ALMS1: variants seen among roughly 807,000 people sequenced by gnomAD.
ALMS1 encodes centrosome-associated protein ALMS1.
In ALMS1, 271 loss-of-function variants were observed where a neutral mutation model predicts 352.2. The ratio of observed to expected loss-of-function variants is 0.77; its 90% CI spans 0.70 to 0.85. The LOEUF (loss-of-function observed/expected upper bound fraction) is 0.85. Among genes scored for constraint, ALMS1 ranks in the 40% least tolerant of loss-of-function variants. The pLI is 0.00. For synonymous variants in ALMS1, 1,865 were observed against 1,761.2 expected, an observed-to-expected ratio of 1.06 and a Z score of -1.48; for missense variants, 5,445 against 4,870.7, an observed-to-expected ratio of 1.12 and a Z score of -3.51.
intron 16 of ALMS1, among the ~76,000 whole-genome samples, chr2:73,593,926 G>A (rs527381263): frequency 5.3e-5 from 8 of 152,238 alleles, no homozygotes; most frequent in African/African-American, 1.9e-4. Flanking sequence ...TCCTTTTAAT[G>A]GCCAAAGGAC....
intron 18 of ALMS1, 40 bp from the exon 19 acceptor site, chr2:73,601,152 AAAG>A (rs1280166926): frequency 6.2e-7 from 1 of 1,613,310 alleles, no homozygotes; most frequent in Non-Finnish European, 8.5e-7. Context: ...GGGCTGTAAA[AAAG>A]TGAAAAATCT....
chr2:73,556,092 T>G (rs1299772068), intron 13 of ALMS1, among the ~76,000 whole-genome samples: 2 of 152,174 alleles, frequency 1.3e-5, no homozygotes, highest in African/African-American at 4.8e-5. Context: ...AGAAACATTA[T>G]ATTTGTAATA....
chr2:73,500,091 G>A (rs957071722), intron 10 of ALMS1, among the ~76,000 whole-genome samples: 1 of 152,164 alleles, frequency 6.6e-6, no homozygotes, highest in Non-Finnish European at 1.5e-5. Context: ...GACACCATTT[G>A]AGCTGAGATT....
chr2:73,546,140 A>G (rs1309655703), intron 12 of ALMS1, among the ~76,000 whole-genome samples: 2 of 152,182 alleles, frequency 1.3e-5, no homozygotes, highest in Non-Finnish European at 2.9e-5. Flanking sequence ...TTGACCCTCT[A>G]TAGCAAGGTT....
intron 17 of ALMS1, among the ~76,000 whole-genome samples, chr2:73,600,380 G>T (rs1471914025): frequency 6.6e-6 from 1 of 152,126 alleles, no homozygotes; most frequent in East Asian, 1.9e-4. Flanking sequence ...AGTATTTATT[G>T]TCTTTCTAAC....
intron 16 of ALMS1, among the ~76,000 whole-genome samples, chr2:73,588,378 GC>G (rs1675353536): frequency 6.8e-6 from 1 of 147,800 alleles, no homozygotes; most frequent in Non-Finnish European, 1.5e-5. Flanking sequence ...TGCCCCACAT[GC>G]CCCACCCTCG....
At position 73,572,483 on chromosome 2, in the gene ALMS1, G is replaced by T; in HGVS notation, c.10606G>T (p.Asp3536Tyr). Residue 3536 changes from aspartate to tyrosine, a missense_variant, in exon 16 of 23, where the codon GAC becomes TAC. Physicochemically the swap from Asp to Tyr is radical, Grantham distance 160. Coordinates refer to ENST00000613296, the MANE Select transcript of ALMS1 (RefSeq NM_001378454.1). ...MCLPLPYQNM[D>Y]KTKTDYTRIK... ...TCTTCCTCTTCCTTATCAAAACATGGACAAGACTAAGACAGATTATACCAG... is the reference window on the plus strand; with the variant it reads ...TCTTCCTCTTCCTTATCAAAACATGTACAAGACTAAGACAGATTATACCAG... 1 of 1,613,858 alleles carries T rather than the reference G, an allele frequency of 6.2e-7. No homozygotes were observed. The highest frequency in any genetic ancestry group is 2.2e-5 in the East Asian group (1 of 44,872).
chr2:73,403,130 C>T (rs1670904257), intron 1 of ALMS1, among the ~76,000 whole-genome samples: 1 of 152,052 alleles, frequency 6.6e-6, no homozygotes, highest in Admixed American at 6.6e-5. Context: ...AGGAGTTTTT[C>T]CCATATATTT....
intron 10 of ALMS1, among the ~76,000 whole-genome samples, chr2:73,514,582 C>T (rs188951840): frequency 1.1e-4 from 17 of 152,004 alleles, no homozygotes; most frequent in South Asian, 2.1e-4. Context: ...TATAAAGCAA[C>T]GTAAAATATG....
chr2:73,567,922 A>G (rs1317031440), intron 15 of ALMS1, among the ~76,000 whole-genome samples: 1 of 152,166 alleles, frequency 6.6e-6, no homozygotes, highest in African/African-American at 2.4e-5. Context: ...AGAAAATATC[A>G]TAATGCAAAA....
intron 12 of ALMS1, among the ~76,000 whole-genome samples, chr2:73,545,772 A>G (rs925990900): frequency 3.9e-5 from 6 of 152,222 alleles, no homozygotes; most frequent in African/African-American, 1.4e-4. Flanking sequence ...TATACTTAAC[A>G]AAAGAGGAGA....
In ALMS1 at chr2:73,448,838, A is replaced by C; in HGVS notation, c.2311A>C (p.Ser771Arg). ...TTCTTACTCACAAAGAGAAAAGCCT[A>C]GTATTTTGTACCCACAGGACTTAGC... Reference protein sequence around the residue: ...SSSYSQREKPSILYPQDLADS... With the variant: ...SSSYSQREKPRILYPQDLADS... The change falls in exon 8 of 23, where the codon AGT (serine) becomes CGT (arginine). Residue 771 changes from serine to arginine, a missense_variant. Coordinates refer to ENST00000613296, the MANE Select transcript of ALMS1 (RefSeq NM_001378454.1). The C allele has an allele frequency of 1.9e-6, 3 of 1,613,956 alleles. No homozygotes were observed. Among genetic ancestry groups the C allele is most frequent in the Non-Finnish European group, 2.5e-6 (3 of 1,179,954 alleles).
In ALMS1 at chr2:73,534,741, T is replaced by C. The variant is rs1418477968; in HGVS notation, c.9782-83T>C. ...AATTCCAAAAGTCATGAACACTGCC[T>C]GAAACATAGAAGGCATTCCATATTT... On this transcript the variant is annotated intron_variant, in intron 11 of 22. Transcript: ENST00000613296. 5 of 1,472,556 alleles carry C rather than the reference T, an allele frequency of 3.4e-6. No homozygotes were observed. In the African/African-American group the frequency reaches 4.2e-5, roughly 12 times the overall value. The allele number at this position is 1,472,556 out of a possible 1,614,324, so 91.2% of individuals were successfully genotyped here. A position where few individuals can be genotyped will look rare whatever the true frequency, so the allele number is the denominator to read the frequency against.
chr2:73,489,744 A>G lies in ALMS1; in HGVS notation c.7785A>G (p.Pro2595=), dbSNP rs764864303. Residue 2595 remains proline (P), a synonymous_variant, in exon 10 of 23, where the codon CCA becomes CCG. Coordinates refer to ENST00000613296, the MANE Select transcript of ALMS1 (RefSeq NM_001378454.1). The stretch of plus-strand genomic sequence containing the variant: ...TCCGGACTCTAACTTCTGAACATCC[A>G]CAACTAGATAGACACCCTTGTGCTT... ...GCFRTLTSEH[P]QLDRHPCAFR... 1 of 1,614,186 alleles carries G rather than the reference A, an allele frequency of 6.2e-7. No individual in the cohort carries two copies. Among genetic ancestry groups the G allele is most frequent in the Non-Finnish European group, 8.5e-7 (1 of 1,180,044 alleles).
rs568175748 is a variant in ALMS1 at position 73,467,186 on chromosome 2, A to G, written c.7674+11891A>G. ...AGAATGGTAATCAAAAGGCAGCATG[A>G]AGAGTGAAAAGTCAAGCTACACAGT... On this transcript the variant is annotated intron_variant, in intron 9 of 22. Coordinates refer to ENST00000613296, the MANE Select transcript of ALMS1 (RefSeq NM_001378454.1). 1.5e-4 allele frequency among the ~76,000 whole-genome samples: 23 copies of G among 152,292 alleles called. No homozygotes were observed. In the South Asian group the frequency reaches 4.8e-3, roughly 32 times the overall value.
chr2:73,508,143 C>T (rs1207240152), intron 10 of ALMS1, among the ~76,000 whole-genome samples: 3 of 127,216 alleles, frequency 2.4e-5, no homozygotes, highest in East Asian at 4.0e-4. Flanking sequence ...TTCCCTTTCC[C>T]TTTCCTTTCC....
intron 12 of ALMS1, among the ~76,000 whole-genome samples, chr2:73,543,629 C>T (rs1461921162): frequency 1.3e-5 from 2 of 152,064 alleles, no homozygotes; most frequent in Admixed American, 1.3e-4. Flanking sequence ...TGATAAAGGG[C>T]TAATATCCAG....
chr2:73,518,688 G>A (rs1037324718), intron 10 of ALMS1, among the ~76,000 whole-genome samples: 5 of 152,062 alleles, frequency 3.3e-5, no homozygotes, highest in African/African-American at 1.2e-4. Flanking sequence ...TCTCATTGTG[G>A]TTTTGATTTG....
intron 1 of ALMS1, among the ~76,000 whole-genome samples, chr2:73,393,070 A>G (rs899668245): frequency 2.0e-5 from 3 of 152,004 alleles, no homozygotes; most frequent in East Asian, 1.9e-4. Context: ...CTTCTTGGCC[A>G]TTTGTGTGTC....
Sources: allele counts gnomAD v4.1 joint callset (sites outside exome capture counted in the v4.1 genomes callset), GRCh38; gene constraint gnomAD v4.1.1; transcripts MANE v1.5; gene names NCBI Gene and HGNC (gene_info 2026-07-23, HGNC 2026-07-21).